HMOX1: variants seen among roughly 807,000 people sequenced by gnomAD.
HMOX1 encodes the protein heme oxygenase 1.
HMOX1 carries 22 observed loss-of-function variants against 27.8 expected under a neutral mutation model. That is an observed-to-expected ratio of 0.79 (90% CI 0.57 to 1.13). The LOEUF is 1.13. Ranked by LOEUF, HMOX1 falls within the 50% of genes most tolerant of loss-of-function variation. HMOX1 has a pLI of 0.00. For missense variants in HMOX1, 379 were observed against 377.7 expected (o/e 1.00, Z -0.03); for synonymous variants, 153 against 151.6 (o/e 1.01, Z -0.07).
chr22:35,381,526 C>A (rs895082277), intron 1 of HMOX1, among the ~76,000 whole-genome samples: 2 of 151,830 alleles, frequency 1.3e-5, no homozygotes, highest in African/African-American at 4.8e-5. Flanking sequence ...GAATCTAGAT[C>A]TCTGGGGCTC....
intron 3 of HMOX1, 118 bp downstream of exon 3, chr22:35,387,294 A>C: frequency 8.3e-7 from 1 of 1,204,750 alleles, no homozygotes; most frequent in Admixed American, 1.9e-5. Context: ...CCAGAGTTCC[A>C]GCACTGCCAC....
chr22:35,389,440 C>CTTTCTTTT (rs1555901639), intron 3 of HMOX1, among the ~76,000 whole-genome samples: 1 of 109,788 alleles, frequency 9.1e-6, no homozygotes, highest in Non-Finnish European at 1.8e-5. Context: ...ATCTTTCTTT[C>CTTTCTTTT]TTTCTTTCTT....
intron 3 of HMOX1, among the ~76,000 whole-genome samples, chr22:35,389,449 T>C (rs1170308354): frequency 5.8e-5 from 6 of 102,724 alleles, no homozygotes; most frequent in East Asian, 2.4e-4. Flanking sequence ...TCTTTCTTTC[T>C]TTTCTTTCTT....
chr22:35,389,289 C>CT (rs1555901567), intron 3 of HMOX1, among the ~76,000 whole-genome samples: 1,338 of 102,976 alleles, frequency 0.013, 177 homozygotes, highest in African/African-American at 0.04. Context: ...CTCTCTCTCT[C>CT]TTCTTTCTTC....
At chr22:35,391,090 CT>C (rs1168710710) in intron 4 of HMOX1, among the ~76,000 whole-genome samples, 1 of 152,088 alleles carries the variant, frequency 6.6e-6, no homozygotes, top group Non-Finnish European at 1.5e-5. Context: ...GGCTTTCTCA[CT>C]TGTGCCAGAC....
intron 3 of HMOX1, among the ~76,000 whole-genome samples, chr22:35,389,297 TTC>T (rs1491471090): frequency 2.2e-5 from 2 of 90,250 alleles, no homozygotes; most frequent in Non-Finnish European, 4.3e-5. Context: ...CTCTTCTTTC[TTC>T]TTTCTTTCTT....
chr22:35,390,098 A>G, intron 4 of HMOX1, 135 bp downstream of exon 4: 3 of 721,660 alleles, frequency 4.2e-6, no homozygotes, highest in Middle Eastern at 3.6e-4. Context: ...GCCCCACCCC[A>G]CTGCCCCTGT....
Position 35,389,341 on chromosome 22 carries a change from C to CCT in HMOX1, c.637-523_637-522insCT, listed in dbSNP as rs1555901584. Among the ~76,000 whole-genome samples the CCT allele has an allele frequency of 2.0e-3, 122 of 62,556 alleles. 1 individual carries two copies. The highest frequency in any genetic ancestry group is 5.0e-3 in the East Asian group (11 of 2,218). The allele number at this position is 62,556 out of a possible 152,430, so 41.0% of individuals were successfully genotyped here. Reference sequence around the variant, plus strand: ...TTTCTTCTTTCTTTCTTTCTTTCTTCTCCTTCCTTCCTTCCTTCCTTCCTT... The same window carrying CCT: ...TTTCTTCTTTCTTTCTTTCTTTCTTCCTTCCTTCCTTCCTTCCTTCCTTCCTT... On this transcript the variant is annotated intron_variant, in intron 3 of 4. Transcript: ENST00000216117.
intron 2 of HMOX1, 100 bp from the exon 3 acceptor site, chr22:35,386,585 G>T: frequency 1.3e-6 from 2 of 1,482,958 alleles, no homozygotes; most frequent in Non-Finnish European, 1.9e-6. Flanking sequence ...GCCCAGCTGC[G>T]AAGTGAGGAG....
chr22:35,389,380 C>CT (rs1337340391), intron 3 of HMOX1, among the ~76,000 whole-genome samples: 8 of 64,278 alleles, frequency 1.2e-4, no homozygotes, highest in African/African-American at 2.5e-4. Context: ...TCCTTCCTTC[C>CT]TTCCTTCCTT....
At chr22:35,386,092 A>C (rs1283084092) in intron 2 of HMOX1, among the ~76,000 whole-genome samples, 3 of 152,036 alleles carry the variant, frequency 2.0e-5, no homozygotes, top group African/African-American at 7.2e-5. Flanking sequence ...AGTAGCTGGA[A>C]CTACAGGCGC....
At chr22:35,381,399 C>T in intron 1 of HMOX1, 1 of 631,450 alleles carries the variant, frequency 1.6e-6, no homozygotes, top group Non-Finnish European at 2.8e-6. Flanking sequence ...ACATGCCTGG[C>T]ACCCTGGTAT....
chr22:35,392,705 C>A (rs1476177675), intron 4 of HMOX1, among the ~76,000 whole-genome samples: 5 of 150,704 alleles, frequency 3.3e-5, no homozygotes, highest in Non-Finnish European at 4.4e-5. Flanking sequence ...TCTGGCCTAT[C>A]ATGTTTTAAA....
intron 4 of HMOX1, among the ~76,000 whole-genome samples, chr22:35,391,534 G>A (rs1012685202): frequency 1.1e-4 from 17 of 148,148 alleles, no homozygotes; most frequent in South Asian, 6.4e-4. Context: ...TGATCCGCCC[G>A]CCTCGGCCTC....
At position 35,387,152 on chromosome 22, in the gene HMOX1, G is replaced by C; in HGVS notation, c.612G>C (p.Lys204Asn). ...AVRQRVIEEAKTAFLLNIQLF... is the reference protein window; with the variant it reads ...AVRQRVIEEANTAFLLNIQLF... ...GGCAGAGGGTGATAGAAGAGGCCAAGACTGCGTTCCTGCTCAACATCCAGG... is the reference window on the plus strand; with the variant it reads ...GGCAGAGGGTGATAGAAGAGGCCAACACTGCGTTCCTGCTCAACATCCAGG... Residue 204 changes from lysine (K) to asparagine (N), a missense_variant, in exon 3 of 5, where the codon AAG becomes AAC. Coordinates refer to ENST00000216117, the MANE Select transcript of HMOX1 (RefSeq NM_002133.3). 3 of 1,613,562 alleles carry C rather than the reference G, an allele frequency of 1.9e-6. 1 individual carries two copies. The African/African-American group carries it at 4.0e-5, about 21-fold the overall frequency.
chr22:35,381,658 AGG>A (rs1157235188), intron 1 of HMOX1, among the ~76,000 whole-genome samples: 1 of 152,166 alleles, frequency 6.6e-6, no homozygotes, highest in African/African-American at 2.4e-5. Context: ...AGCCCAGTTC[AGG>A]GAGGCGACAT....
Position 35,386,925 on chromosome 22 carries a change from C to T in HMOX1, c.385C>T (p.Leu129=), listed in dbSNP as rs1422904752. Residue 129 remains leucine (L), a synonymous_variant, in exon 3 of 5, where the codon CTG becomes TTG. Transcript: ENST00000216117. ...HEVGRTEPEL[L]VAHAYTRYLG... is the part of the protein sequence containing the mutation. ...GGTGGGGCGCACAGAGCCCGAGCTG[C>T]TGGTGGCCCACGCCTACACCCGCTA... The T allele has an allele frequency of 2.5e-6, 4 of 1,614,074 alleles. No individual in the cohort carries two copies. In the South Asian group the frequency reaches 4.4e-5, roughly 18 times the overall value.
At chr22:35,392,638 C>T (rs1245877313) in intron 4 of HMOX1, among the ~76,000 whole-genome samples, 1 of 152,070 alleles carries the variant, frequency 6.6e-6, no homozygotes, top group Non-Finnish European at 1.5e-5. Flanking sequence ...ACCTAGGGAG[C>T]ACCCACTCTG....
At chr22:35,393,115 CGT>C (rs932740518) in intron 4 of HMOX1, among the ~76,000 whole-genome samples, 7 of 152,170 alleles carry the variant, frequency 4.6e-5, no homozygotes, top group Non-Finnish European at 1.0e-4. Context: ...GCTTAGCAAA[CGT>C]GTGAGTTTGA....
Sources: allele counts gnomAD v4.1 joint callset (sites outside exome capture counted in the v4.1 genomes callset), GRCh38; gene constraint gnomAD v4.1.1; transcripts MANE v1.5; gene names NCBI Gene and HGNC (gene_info 2026-07-23, HGNC 2026-07-21).